MTHFD2L: variants seen among roughly 807,000 people sequenced by gnomAD.
The protein encoded by MTHFD2L is methylenetetrahydrofolate dehydrogenase (NADP+ dependent) 2 like, also known as bifunctional methylenetetrahydrofolate dehydrogenase/cyclohydrolase 2, mitochondrial.
In MTHFD2L, 29 loss-of-function variants were observed where a neutral mutation model predicts 34.9. That is an observed-to-expected ratio of 0.83 (90% CI 0.62 to 1.13). The LOEUF (loss-of-function observed/expected upper bound fraction) is 1.13, where lower values mean the gene tolerates loss of function less well. Among genes scored for constraint, MTHFD2L ranks in the 50% most tolerant of loss-of-function variants. The probability of loss-of-function intolerance (pLI) is 0.00; values close to 1 mark genes in which losing one functional copy is unlikely to be tolerated. For missense variants in MTHFD2L, 481 were observed against 446.5 expected, an observed-to-expected ratio of 1.08 and a Z score of -0.70; for synonymous variants, 167 against 155.7, an observed-to-expected ratio of 1.07 and a Z score of -0.54.
At chr4:74,232,155 G>A (rs571272460) in intron 6 of MTHFD2L, among the ~76,000 whole-genome samples, 1 of 152,284 alleles carries the variant, frequency 6.6e-6, no homozygotes, top group South Asian at 2.1e-4. Flanking sequence ...CAGTATCAGA[G>A]TAGAGTAGTT....
intron 1 of MTHFD2L, among the ~76,000 whole-genome samples, chr4:74,133,594 T>C (rs1222293238): frequency 1.3e-5 from 2 of 152,188 alleles, no homozygotes; most frequent in Non-Finnish European, 2.9e-5. Context: ...CATTCTGTTA[T>C]TGAGATCCTC....
intron 6 of MTHFD2L, among the ~76,000 whole-genome samples, chr4:74,247,523 A>G (rs200171968): frequency 1.3e-5 from 2 of 152,118 alleles, no homozygotes; most frequent in East Asian, 1.9e-4. Context: ...TATGTTGTAT[A>G]GGAGTGGTGA....
intron 1 of MTHFD2L, among the ~76,000 whole-genome samples, chr4:74,166,205 G>A (rs1046515829): frequency 3.3e-5 from 5 of 152,220 alleles, no homozygotes; most frequent in Admixed American, 3.3e-4. Context: ...TGGAAACAGT[G>A]GAAGGAGGCT....
intron 6 of MTHFD2L, among the ~76,000 whole-genome samples, chr4:74,268,755 C>G (rs1182972942): frequency 1.3e-5 from 2 of 152,056 alleles, no homozygotes; most frequent in Non-Finnish European, 2.9e-5. Flanking sequence ...ATCAAATACA[C>G]ATATGAAAAT....
At chr4:74,183,141 G>T (rs1441843298) in intron 3 of MTHFD2L, 1 of 151,818 alleles carries the variant, frequency 6.6e-6, no homozygotes, top group African/African-American at 2.4e-5. Context: ...TACATACAAA[G>T]GAACAAAGAG....
intron 6 of MTHFD2L, among the ~76,000 whole-genome samples, chr4:74,279,661 T>C (rs1747168086): frequency 6.6e-6 from 1 of 152,166 alleles, no homozygotes; most frequent in Non-Finnish European, 1.5e-5. Context: ...AACTATTTTA[T>C]GAATATTTTT....
chr4:74,268,631 T>A (rs1745596400), intron 6 of MTHFD2L, among the ~76,000 whole-genome samples: 1 of 152,222 alleles, frequency 6.6e-6, no homozygotes, highest in Non-Finnish European at 1.5e-5. Context: ...CGCTTCCTTT[T>A]ATCAGGATGG....
At chr4:74,276,243 C>T (rs1746632184) in intron 6 of MTHFD2L, among the ~76,000 whole-genome samples, 1 of 152,130 alleles carries the variant, frequency 6.6e-6, no homozygotes, top group African/African-American at 2.4e-5. Flanking sequence ...TTCTTAAGTT[C>T]ATGCGACAAA....
chr4:74,268,755 C>T (rs1182972942), intron 6 of MTHFD2L, among the ~76,000 whole-genome samples: 1 of 152,056 alleles, frequency 6.6e-6, no homozygotes, highest in Non-Finnish European at 1.5e-5. Context: ...ATCAAATACA[C>T]ATATGAAAAT....
At chr4:74,232,096 C>T (rs1740154957) in intron 6 of MTHFD2L, among the ~76,000 whole-genome samples, 2 of 152,198 alleles carry the variant, frequency 1.3e-5, no homozygotes, top group African/African-American at 4.8e-5. Flanking sequence ...TAAGCTACAA[C>T]TTAGCATAAC....
intron 1 of MTHFD2L, among the ~76,000 whole-genome samples, chr4:74,168,352 C>T (rs1727199241): frequency 6.6e-6 from 1 of 152,160 alleles, no homozygotes; most frequent in Admixed American, 6.5e-5. Flanking sequence ...ACTTGTTCTT[C>T]CCTTCCCTTG....
intron 5 of MTHFD2L, among the ~76,000 whole-genome samples, chr4:74,216,194 AAG>A (rs879655147): frequency 1.6e-4 from 24 of 151,944 alleles, no homozygotes; most frequent in Non-Finnish European, 2.9e-4. Flanking sequence ...GCACAGATTA[AAG>A]CTACCATTGG....
At chr4:74,233,526 A>G (rs955784920) in intron 6 of MTHFD2L, among the ~76,000 whole-genome samples, 16 of 151,990 alleles carry the variant, frequency 1.1e-4, no homozygotes, top group African/African-American at 3.9e-4. Flanking sequence ...TCATTCTCCT[A>G]TTGTGTGGTG....
intron 6 of MTHFD2L, among the ~76,000 whole-genome samples, chr4:74,272,531 C>CT (rs1283435450): frequency 6.6e-6 from 1 of 151,864 alleles, no homozygotes; most frequent in African/African-American, 2.4e-5. Context: ...AATATATTAA[C>CT]TTTTTTGTCA....
chr4:74,255,688 T>A (rs115432633), intron 6 of MTHFD2L, among the ~76,000 whole-genome samples: 2,488 of 152,274 alleles, frequency 0.016, 87 homozygotes, highest in African/African-American at 0.057. Context: ...TGTTGCCATC[T>A]TTATGTTCAT....
At chr4:74,214,288 C>T (rs764938408) in intron 5 of MTHFD2L, among the ~76,000 whole-genome samples, 3 of 151,752 alleles carry the variant, frequency 2.0e-5, no homozygotes, top group East Asian at 1.9e-4. Context: ...GTAGAAGAGG[C>T]GTTCTGGTTT....
chr4:74,263,292 A>G (rs1480590818), intron 6 of MTHFD2L, among the ~76,000 whole-genome samples: 1 of 151,986 alleles, frequency 6.6e-6, no homozygotes, highest in Non-Finnish European at 1.5e-5. Context: ...CTTTTTGCTT[A>G]AGATTGCCTT....
intron 6 of MTHFD2L, among the ~76,000 whole-genome samples, chr4:74,237,844 AG>A (rs1741075924): frequency 6.6e-6 from 1 of 152,178 alleles, no homozygotes; most frequent in African/African-American, 2.4e-5. Flanking sequence ...GGTAGGGGAG[AG>A]GCAAAGAATT....
chr4:74,157,553 A>C, upstream of MTHFD2L: 1 of 407,038 alleles, frequency 2.5e-6, no homozygotes, highest in Non-Finnish European at 4.9e-6. Flanking sequence ...ATTTCCTTCC[A>C]AAAGTGGAGA....
Sources: gnomAD v4.1 joint callset for allele counts (sites outside exome capture counted in the v4.1 genomes callset) on GRCh38, gnomAD v4.1.1 for gene constraint, MANE v1.5 for transcripts, NCBI Gene and HGNC (gene_info 2026-07-23, HGNC 2026-07-21) for gene names.